The following TRIM49C variants were observed in gnomAD, a reference collection of about 807,000 sequenced individuals.
TRIM49C encodes the protein tripartite motif-containing protein 49C.
TRIM49C carries 6 observed loss-of-function variants against 21.4 expected under a neutral mutation model. The observed-to-expected ratio is 0.28, with a 90% CI of 0.15 to 0.55. The LOEUF is 0.55. Ranked by LOEUF, TRIM49C falls within the 20% of genes least tolerant of loss-of-function variation. The pLI is 0.94. For missense variants in TRIM49C, 161 were observed against 442.4 expected (o/e 0.36, Z 5.71); for synonymous variants, 57 against 148.1 (o/e 0.38, Z 4.47).
the TRIM49C span, chr11:90,051,838 C>A: frequency 2.6e-6 from 1 of 388,902 alleles, no homozygotes; most frequent in Non-Finnish European, 4.6e-6. Context: ...CGCGGACTCT[C>A]ACGTCCTCTT....
At chr11:90,039,068 C>T (rs12576732) in intron 6 of TRIM49C, among the ~76,000 whole-genome samples, 5,052 of 133,168 alleles carry the variant, frequency 0.038, 263 homozygotes, top group Non-Finnish European at 0.05. Context: ...TACAGGCGCC[C>T]GCCACCACAC....
chr11:90,070,565 G>A, the TRIM49C span, among the ~76,000 whole-genome samples: 4 of 138,250 alleles, frequency 2.9e-5, 1 homozygote, highest in East Asian at 4.5e-4. Flanking sequence ...GTTCTCATGT[G>A]TCTAACATGG....
the TRIM49C span, among the ~76,000 whole-genome samples, chr11:90,049,351 C>G: frequency 1.3e-5 from 1 of 78,912 alleles, no homozygotes; most frequent in East Asian, 4.2e-4. Flanking sequence ...GCCCTGCCCC[C>G]ACAGGTGGAG....
chr11:90,046,167 C>A (rs774344941), downstream of TRIM49C, among the ~76,000 whole-genome samples: 19 of 124,828 alleles, frequency 1.5e-4, 4 homozygotes, highest in African/African-American at 3.3e-4. Flanking sequence ...TGATGTGCTG[C>A]TGGATTCTGT....
chr11:90,072,114 G>A, the TRIM49C span, among the ~76,000 whole-genome samples: 1 of 140,952 alleles, frequency 7.1e-6, no homozygotes, highest in Non-Finnish European at 1.5e-5. Context: ...AATTAATTCA[G>A]GACATTTCAA....
At chr11:90,060,287 T>C in the TRIM49C span, among the ~76,000 whole-genome samples, 2 of 141,470 alleles carry the variant, frequency 1.4e-5, no homozygotes, top group Non-Finnish European at 3.0e-5. Flanking sequence ...AAAAAATATA[T>C]ATATAATGTT....
downstream of TRIM49C, among the ~76,000 whole-genome samples, chr11:90,046,712 A>T (rs549092468): frequency 8.0e-6 from 1 of 124,668 alleles, no homozygotes; most frequent in Admixed American, 9.1e-5. Flanking sequence ...TCTTTTCAAA[A>T]AACCAGCTCC....
chr11:90,048,266 G>T, the TRIM49C span, among the ~76,000 whole-genome samples: 2 of 112,108 alleles, frequency 1.8e-5, no homozygotes, highest in East Asian at 2.8e-4. Flanking sequence ...CTCTTCTTGA[G>T]GAGTATCTTT....
the TRIM49C span, chr11:90,053,673 C>A: frequency 6.6e-6 from 1 of 150,538 alleles, no homozygotes; most frequent in Admixed American, 6.8e-5. Context: ...GTGGGGATGG[C>A]GGTGGCGGGA....
At chr11:90,053,668 G>GA in the TRIM49C span, 1 of 150,926 alleles carries the variant, frequency 6.6e-6, no homozygotes, top group Non-Finnish European at 1.5e-5. Context: ...TAGGAGTGGG[G>GA]ATGGCGGTGG....
chr11:90,034,285 C>CA (rs1950709460), intron 2 of TRIM49C, among the ~76,000 whole-genome samples: 1 of 109,270 alleles, frequency 9.2e-6, no homozygotes, highest in African/African-American at 4.2e-5. Flanking sequence ...CTCAGCTCAC[C>CA]AGCTCACATG....
At chr11:90,064,953 A>C in the TRIM49C span, among the ~76,000 whole-genome samples, 3 of 148,858 alleles carry the variant, frequency 2.0e-5, no homozygotes, top group Non-Finnish European at 4.5e-5. Context: ...AGCAAATAAG[A>C]CCTTTGCAAC....
chr11:90,071,583 T>C, the TRIM49C span: 2,278 of 526,142 alleles, frequency 4.3e-3, 156 homozygotes, highest in African/African-American at 0.039. Context: ...ATCCTAGGAT[T>C]GTGGAGGTAC....
Position 90,039,923 on chromosome 11 carries a change from C to A in TRIM49C, c.820C>A (p.Pro274Thr). Residue 274 changes from proline to threonine, a missense_variant, in exon 7 of 8, where the codon CCC becomes ACC. By Grantham distance (38) the Pro-to-Thr change is conservative. Coordinates refer to ENST00000448984, the MANE Select transcript of TRIM49C (RefSeq NM_001195234.1). ...TCTGAATCCAGAGCTCAGTGCAGGG[C>A]CCATCACTGGACTGAGGGACAGGCT... ...QPLNPELSAG[P>T]ITGLRDRLNQ... 2 of 1,207,126 alleles carry A rather than the reference C, an allele frequency of 1.7e-6. 1 individual carries two copies. The highest frequency in any genetic ancestry group is 7.3e-5 in the Admixed American group (2 of 27,434). The allele number at this position is 1,207,126 out of a possible 1,614,324, so 74.8% of individuals were successfully genotyped here. A position where few individuals can be genotyped will look rare whatever the true frequency, so the allele number is the denominator to read the frequency against.
chr11:90,062,795 C>G, the TRIM49C span: 1 of 1,417,976 alleles, frequency 7.1e-7, no homozygotes, highest in Non-Finnish European at 9.3e-7. Flanking sequence ...TTTTGAGTAC[C>G]ACATTGGTGT....
At chr11:90,036,998 A>G (rs1472066330) in intron 4 of TRIM49C, among the ~76,000 whole-genome samples, 3 of 134,506 alleles carry the variant, frequency 2.2e-5, no homozygotes, top group Non-Finnish European at 4.8e-5. Flanking sequence ...GAGGGGGAAC[A>G]CAAATGTGTG....
At chr11:90,070,143 T>C in the TRIM49C span, among the ~76,000 whole-genome samples, 1 of 76,808 alleles carries the variant, frequency 1.3e-5, no homozygotes, top group Non-Finnish European at 2.4e-5. Flanking sequence ...TTTCCTCCCA[T>C]AGAGACACTC....
At chr11:90,048,798 A>C in the TRIM49C span, among the ~76,000 whole-genome samples, 1 of 125,276 alleles carries the variant, frequency 8.0e-6, no homozygotes, top group Non-Finnish European at 1.6e-5. Context: ...GCTTTGTTCC[A>C]TTGCTGGTGA....
the TRIM49C span, among the ~76,000 whole-genome samples, chr11:90,057,420 TATTA>T: frequency 9.8e-5 from 10 of 101,934 alleles, 1 homozygote; most frequent in Middle Eastern, 4.4e-3. Context: ...CACAATAATT[TATTA>T]ATTAAAATAA....
Sources: allele counts gnomAD v4.1 joint callset (sites outside exome capture counted in the v4.1 genomes callset), GRCh38; gene constraint gnomAD v4.1.1; transcripts MANE v1.5; gene names NCBI Gene and HGNC (gene_info 2026-07-23, HGNC 2026-07-21).